SLC7A11: variants seen among roughly 807,000 people sequenced by gnomAD.
SLC7A11 encodes the protein cystine/glutamate transporter.
SLC7A11 carries 35 observed loss-of-function variants against 54.5 expected under a neutral mutation model. That is an observed-to-expected ratio of 0.64 (90% CI 0.49 to 0.85). SLC7A11 has a LOEUF of 0.85. Ranked by LOEUF, SLC7A11 falls within the 40% of genes least tolerant of loss-of-function variation. The pLI is 0.00. For synonymous variants in SLC7A11, 230 were observed against 225.2 expected (o/e 1.02, Z -0.19); for missense variants, 583 against 618.1 (o/e 0.94, Z 0.60).
At chr4:138,238,060 T>C (rs1312251200) in intron 1 of SLC7A11, among the ~76,000 whole-genome samples, 1 of 152,022 alleles carries the variant, frequency 6.6e-6, no homozygotes, top group African/African-American at 2.4e-5. Flanking sequence ...GCCCAGAATA[T>C]ACTTTTTAAA....
intron 11 of SLC7A11, chr4:138,176,961 A>G (rs928601330): frequency 2.0e-5 from 3 of 152,310 alleles, no homozygotes; most frequent in African/African-American, 7.2e-5. Context: ...GAGAAGAAAT[A>G]GAGATTAAAT....
chr4:138,232,183 C>T (rs1214798613), intron 3 of SLC7A11, 84 bp downstream of exon 3: 20 of 922,268 alleles, frequency 2.2e-5, no homozygotes, highest in Admixed American at 5.4e-5. Flanking sequence ...GGCAATCCCG[C>T]AATGCAAAAA....
At position 138,165,213 on chromosome 4, in the gene SLC7A11, T is replaced by C. The variant is rs1736226311; in HGVS notation, c.*6743A>G. The stretch of plus-strand genomic sequence containing the variant: ...AAAGTAAATTCAGATATGCTTACAA[T>C]AAAAAGACATAAAAGATTCATCCTG... On this transcript the variant is annotated 3_prime_UTR_variant, in exon 12 of 12. Coordinates refer to ENST00000280612, the MANE Select transcript of SLC7A11 (RefSeq NM_014331.4). 1 of 152,478 alleles carries C rather than the reference T, an allele frequency of 6.6e-6. No individual in the cohort carries two copies. The highest frequency in any genetic ancestry group is 1.5e-5 in the Non-Finnish European group (1 of 67,970). The allele number at this position is 152,478 out of a possible 1,614,324, so 9.4% of individuals were successfully genotyped here.
chr4:138,209,241 T>A (rs1269085277), intron 6 of SLC7A11, among the ~76,000 whole-genome samples: 1 of 151,988 alleles, frequency 6.6e-6, no homozygotes, highest in Non-Finnish European at 1.5e-5. Flanking sequence ...ATAAAGGGTG[T>A]TGTATTTTCA....
Position 138,241,929 on chromosome 4 carries a change from C to A in SLC7A11, c.141G>T (p.Leu47=). Residue 47 remains leucine, a synonymous_variant, in exon 1 of 12, where the codon CTG becomes CTT. Coordinates refer to ENST00000280612, the MANE Select transcript of SLC7A11 (RefSeq NM_014331.4). The part of the protein sequence containing the change: ...KVQLKRKVTL[L]RGVSIIIGTI... Reference sequence around the variant, plus strand: ...TGCCAATGATAATGGAGACTCCCCTCAGTAAAGTGACTTTCCTCTTCAGCT... The same window carrying A: ...TGCCAATGATAATGGAGACTCCCCTAAGTAAAGTGACTTTCCTCTTCAGCT... 1 of 1,614,100 alleles carries A rather than the reference C, an allele frequency of 6.2e-7. No individual in the cohort carries two copies. Among genetic ancestry groups the A allele is most frequent in the Non-Finnish European group, 8.5e-7 (1 of 1,180,002 alleles).
intron 6 of SLC7A11, among the ~76,000 whole-genome samples, chr4:138,193,032 C>T (rs1371854935): frequency 6.6e-6 from 1 of 152,130 alleles, no homozygotes; most frequent in Non-Finnish European, 1.5e-5. Flanking sequence ...AGACAGTAAA[C>T]GCATGTCTTA....
chr4:138,227,574 C>A (rs1737974225), intron 3 of SLC7A11, among the ~76,000 whole-genome samples: 1 of 152,114 alleles, frequency 6.6e-6, no homozygotes, highest in African/African-American at 2.4e-5. Context: ...TTCAGATGAG[C>A]AGCTGAGACT....
At chr4:138,220,471 A>T (rs1200628961) in intron 4 of SLC7A11, among the ~76,000 whole-genome samples, 1 of 152,152 alleles carries the variant, frequency 6.6e-6, no homozygotes, top group Admixed American at 6.5e-5. Context: ...TTTTCCTAGA[A>T]ATATTGAAAA....
intron 6 of SLC7A11, among the ~76,000 whole-genome samples, chr4:138,209,129 T>C (rs550931498): frequency 6.6e-6 from 1 of 152,180 alleles, no homozygotes; most frequent in Admixed American, 6.6e-5. Context: ...GAATTCTATA[T>C]ATTTTAATAC....
chr4:138,165,654 A>T lies in SLC7A11; in HGVS notation c.*6302T>A, dbSNP rs1356672951. 1 of 152,204 alleles carries T rather than the reference A, an allele frequency of 6.6e-6. No individual in the cohort carries two copies. Among genetic ancestry groups the T allele is most frequent in the Non-Finnish European group, 1.5e-5 (1 of 68,022 alleles). The allele number at this position is 152,204 out of a possible 1,614,324, so 9.4% of individuals were successfully genotyped here. On this transcript the variant is annotated 3_prime_UTR_variant, in exon 12 of 12. Transcript: ENST00000280612. ...GCCAATGTCTGTATTCAAAATAACC[A>T]AAATATATTTTAAAGCAAAATATAT...
intron 5 of SLC7A11, among the ~76,000 whole-genome samples, chr4:138,217,522 C>G (rs1488454344): frequency 6.6e-6 from 1 of 152,098 alleles, no homozygotes. Context: ...CTACATAAAG[C>G]AAGTGACCTG....
intron 6 of SLC7A11, among the ~76,000 whole-genome samples, chr4:138,197,742 A>G (rs947472267): frequency 1.3e-5 from 2 of 151,928 alleles, no homozygotes; most frequent in African/African-American, 4.8e-5. Flanking sequence ...TCAGAGAAAA[A>G]TAATAATAAT....
chr4:138,213,383 C>T (rs1017236295), intron 6 of SLC7A11, among the ~76,000 whole-genome samples: 1 of 152,040 alleles, frequency 6.6e-6, no homozygotes, highest in Admixed American at 6.6e-5. Context: ...TCCCAAGATA[C>T]CAGGTGCCAG....
At chr4:138,216,219 C>T (rs1737677777) in intron 5 of SLC7A11, among the ~76,000 whole-genome samples, 1 of 152,068 alleles carries the variant, frequency 6.6e-6, no homozygotes, top group South Asian at 2.1e-4. Flanking sequence ...ATTCCAATAC[C>T]CAACTATGTG....
intron 4 of SLC7A11, among the ~76,000 whole-genome samples, chr4:138,220,968 G>T (rs1041600467): frequency 2.8e-4 from 42 of 152,226 alleles, no homozygotes; most frequent in African/African-American, 1.0e-3. Context: ...CTTTTTAAAT[G>T]ACATGATAAA....
chr4:138,223,047 G>A, intron 4 of SLC7A11, 152 bp downstream of exon 4: 1 of 611,736 alleles, frequency 1.6e-6, no homozygotes, highest in Non-Finnish European at 2.7e-6. Context: ...TCACAATGTA[G>A]CAGCCTTTCA....
chr4:138,173,520 G>T (rs1347299493), intron 11 of SLC7A11, among the ~76,000 whole-genome samples: 1 of 151,746 alleles, frequency 6.6e-6, no homozygotes, highest in Admixed American at 6.6e-5. Context: ...TGTACTCCCA[G>T]CTACTCAGGA....
chr4:138,224,855 GA>G (rs1205207429), intron 3 of SLC7A11, among the ~76,000 whole-genome samples: 1 of 148,542 alleles, frequency 6.7e-6, no homozygotes, highest in African/African-American at 2.5e-5. Context: ...AGGAAGGAAG[GA>G]AGGAGAAATA....
chr4:138,182,535 A>T, intron 8 of SLC7A11, 142 bp from the exon 9 acceptor site: 1 of 600,848 alleles, frequency 1.7e-6, no homozygotes, highest in East Asian at 2.8e-5. Context: ...TTCACTTTTC[A>T]AATAAGGTGG....
Sources: gnomAD v4.1 joint callset for allele counts (sites outside exome capture counted in the v4.1 genomes callset) on GRCh38, gnomAD v4.1.1 for gene constraint, MANE v1.5 for transcripts, NCBI Gene and HGNC (gene_info 2026-07-23, HGNC 2026-07-21) for gene names.